The following RNLS variants were observed in gnomAD, a reference collection of about 807,000 sequenced individuals.
RNLS encodes the protein renalase, FAD dependent amine oxidase.
In RNLS, 39 loss-of-function variants were observed where a neutral mutation model predicts 39.8. That is an observed-to-expected ratio of 0.98 (90% confidence interval 0.76 to 1.28). The LOEUF (loss-of-function observed/expected upper bound fraction) is 1.28, where lower values mean the gene tolerates loss of function less well. Among genes scored for constraint, RNLS ranks in the 50% most tolerant of loss-of-function variants. RNLS has a pLI of 0.00. For synonymous variants in RNLS, 147 were observed against 150.7 expected, an observed-to-expected ratio of 0.98 and a Z score of 0.18; for missense variants, 410 against 413.3, an observed-to-expected ratio of 0.99 and a Z score of 0.07.
chr10:88,415,978 C>G (rs1443863206), intron 4 of RNLS, among the ~76,000 whole-genome samples: 9 of 152,138 alleles, frequency 5.9e-5, no homozygotes. Flanking sequence ...TGCCCTCCTT[C>G]CACTTTCAGT....
chr10:88,315,940 G>A (rs1240802830), intron 5 of RNLS, among the ~76,000 whole-genome samples: 4 of 152,100 alleles, frequency 2.6e-5, no homozygotes, highest in Non-Finnish European at 5.9e-5. Flanking sequence ...AGAGACACGC[G>A]TAAAGCTTCC....
intron 6 of RNLS, 78 bp downstream of exon 6, chr10:88,314,388 A>C: frequency 2.1e-6 from 3 of 1,430,890 alleles, no homozygotes; most frequent in South Asian, 2.6e-5. Context: ...AGAGAGTGCA[A>C]AGGATAAAGA....
the RNLS span, among the ~76,000 whole-genome samples, chr10:88,244,716 T>C: frequency 7.3e-5 from 11 of 151,712 alleles, no homozygotes; most frequent in African/African-American, 2.4e-4. Context: ...TTCTTTCTTT[T>C]TAAAAGAAGG....
the RNLS span, among the ~76,000 whole-genome samples, chr10:88,218,032 C>T: frequency 0.023 from 3,513 of 152,214 alleles, 52 homozygotes; most frequent in African/African-American, 0.034. Context: ...AAGAGCAAAA[C>T]CTCGTCTCAA....
the RNLS span, among the ~76,000 whole-genome samples, chr10:88,258,109 C>T: frequency 6.6e-6 from 1 of 152,074 alleles, no homozygotes; most frequent in Non-Finnish European, 1.5e-5. Context: ...TGAGAAATCA[C>T]AGTATTTCTG....
the RNLS span, among the ~76,000 whole-genome samples, chr10:88,177,394 C>T: frequency 6.6e-6 from 1 of 152,058 alleles, no homozygotes; most frequent in African/African-American, 2.4e-5. Flanking sequence ...TTTTTTATTT[C>T]ATTAATTAAA....
At chr10:88,238,615 T>C in the RNLS span, among the ~76,000 whole-genome samples, 2 of 152,334 alleles carry the variant, frequency 1.3e-5, no homozygotes, top group South Asian at 4.1e-4. Context: ...AATAGGGACT[T>C]GCTCCTTGTT....
chr10:88,183,101 A>C, the RNLS span, among the ~76,000 whole-genome samples: 5 of 152,294 alleles, frequency 3.3e-5, no homozygotes, highest in South Asian at 4.1e-4. Context: ...GGTTCAGTGA[A>C]GAAGGTACTT....
intron 4 of RNLS, among the ~76,000 whole-genome samples, chr10:88,432,145 T>C (rs1299037379): frequency 6.6e-6 from 1 of 151,794 alleles, no homozygotes; most frequent in Admixed American, 6.6e-5. Context: ...ATTTGGTAAT[T>C]AGGTATACAT....
At chr10:88,243,945 T>TCCC in the RNLS span, among the ~76,000 whole-genome samples, 1 of 152,220 alleles carries the variant, frequency 6.6e-6, no homozygotes, top group South Asian at 2.1e-4. Flanking sequence ...GCAGCTGCGT[T>TCCC]TGGCCTGGCC....
chr10:88,503,583 T>C (rs1481124080), intron 4 of RNLS, among the ~76,000 whole-genome samples: 1 of 152,160 alleles, frequency 6.6e-6, no homozygotes, highest in East Asian at 1.9e-4. Flanking sequence ...AGTTATACTC[T>C]AGAGCAAGTA....
At chr10:88,217,738 G>GAAAAAAAAAAAAAAAAA in the RNLS span, among the ~76,000 whole-genome samples, 8 of 97,598 alleles carry the variant, frequency 8.2e-5, no homozygotes, top group South Asian at 4.1e-4. Flanking sequence ...GCCTTCAAAT[G>GAAAAAAAAAAAAAAAAA]AAAAAAAAAA....
chr10:88,339,804 A>C (rs569397343), intron 5 of RNLS, among the ~76,000 whole-genome samples: 1 of 152,340 alleles, frequency 6.6e-6, no homozygotes, highest in East Asian at 1.9e-4. Flanking sequence ...AGTTCTGCTA[A>C]AGGATGAGAC....
At chr10:88,318,119 T>C (rs2133074658) in intron 5 of RNLS, among the ~76,000 whole-genome samples, 1 of 152,292 alleles carries the variant, frequency 6.6e-6, no homozygotes, top group South Asian at 2.1e-4. Context: ...GCACCTGTGG[T>C]GGGACACTGC....
chr10:88,275,342 T>A (rs1229623378), intron 6 of RNLS, among the ~76,000 whole-genome samples: 1 of 152,182 alleles, frequency 6.6e-6, no homozygotes, highest in Non-Finnish European at 1.5e-5. Flanking sequence ...ATTTAAAACA[T>A]ATAGAATATA....
intron 4 of RNLS, among the ~76,000 whole-genome samples, chr10:88,402,388 A>C (rs1170899784): frequency 6.6e-6 from 1 of 152,008 alleles, no homozygotes; most frequent in Non-Finnish European, 1.5e-5. Flanking sequence ...TTTAAAAGAA[A>C]TATGATCGAT....
chr10:88,195,034 G>T, the RNLS span, among the ~76,000 whole-genome samples: 3 of 152,168 alleles, frequency 2.0e-5, no homozygotes, highest in Admixed American at 2.0e-4. Context: ...AGTCTGTCAA[G>T]CCCTAAGACC....
intron 4 of RNLS, among the ~76,000 whole-genome samples, chr10:88,443,992 GT>G (rs1333133660): frequency 3.3e-5 from 5 of 152,238 alleles, no homozygotes; most frequent in Non-Finnish European, 7.3e-5. Context: ...CCAGAATGGA[GT>G]TTGAGATGTG....
the RNLS span, among the ~76,000 whole-genome samples, chr10:88,227,848 G>A: frequency 4.6e-5 from 7 of 152,272 alleles, 1 homozygote; most frequent in East Asian, 1.9e-4. Flanking sequence ...TGTCGTAGAC[G>A]CTCGTCATCC....
Sources: allele counts gnomAD v4.1 joint callset (sites outside exome capture counted in the v4.1 genomes callset), GRCh38; gene constraint gnomAD v4.1.1; transcripts MANE v1.5; gene names NCBI Gene and HGNC (gene_info 2026-07-23, HGNC 2026-07-21).